The following AGBL1 variants were observed in gnomAD, a reference collection of about 807,000 sequenced individuals.
AGBL1 encodes the protein cytosolic carboxypeptidase 4.
A neutral mutation model predicts 118.9 loss-of-function variants in AGBL1; 130 were observed. The observed-to-expected ratio is 1.09, with a 90% CI of 0.95 to 1.26. AGBL1 has a LOEUF of 1.26. AGBL1 is among the 50% of genes most tolerant of loss of function. The probability of loss-of-function intolerance (pLI) is 0.00; values close to 1 mark genes in which losing one functional copy is unlikely to be tolerated. For missense variants in AGBL1, 1,584 were observed against 1,298.1 expected (o/e 1.22, Z -3.38); for synonymous variants, 555 against 478.9 (o/e 1.16, Z -2.08).
intron 22 of AGBL1, among the ~76,000 whole-genome samples, chr15:86,717,945 G>A (rs2086662189): frequency 1.3e-5 from 2 of 152,086 alleles, no homozygotes; most frequent in South Asian, 2.1e-4. Context: ...GGGCGTGATG[G>A]CATGCACCTG....
chr15:86,194,514 G>T (rs2077770055), intron 5 of AGBL1, among the ~76,000 whole-genome samples: 5 of 152,174 alleles, frequency 3.3e-5, no homozygotes, highest in Admixed American at 3.3e-4. Flanking sequence ...TTTCCATGAT[G>T]ATGGTTTTAG....
chr15:86,840,593 G>C (rs1286480536), intron 22 of AGBL1, among the ~76,000 whole-genome samples: 1 of 152,042 alleles, frequency 6.6e-6, no homozygotes, highest in Admixed American at 6.6e-5. Flanking sequence ...TTACAGGCGT[G>C]TACTACCATG....
chr15:86,780,734 G>A (rs2078324866), intron 22 of AGBL1, among the ~76,000 whole-genome samples: 1 of 149,840 alleles, frequency 6.7e-6, no homozygotes, highest in Non-Finnish European at 1.5e-5. Flanking sequence ...TGATATCTTG[G>A]CTCACTGCGA....
intron 20 of AGBL1, 94 bp downstream of exon 20, chr15:86,546,227 T>C: frequency 4.5e-6 from 6 of 1,320,904 alleles, no homozygotes; most frequent in Middle Eastern, 2.3e-4. Context: ...TTTAGTTTTT[T>C]TTTTTTTTTG....
At chr15:86,810,501 A>G (rs941931932) in intron 22 of AGBL1, among the ~76,000 whole-genome samples, 1 of 152,080 alleles carries the variant, frequency 6.6e-6, no homozygotes, top group African/African-American at 2.4e-5. Context: ...AGGCCCCATT[A>G]CTGAGAATAT....
intron 18 of AGBL1, among the ~76,000 whole-genome samples, chr15:86,499,006 T>A (rs957206161): frequency 2.0e-5 from 3 of 151,884 alleles, no homozygotes; most frequent in Non-Finnish European, 4.4e-5. Context: ...AAACGGCCTG[T>A]GTGCTAGACC....
intron 21 of AGBL1, among the ~76,000 whole-genome samples, chr15:86,663,206 A>T (rs1486927979): frequency 1.3e-5 from 2 of 152,164 alleles, no homozygotes; most frequent in African/African-American, 2.4e-5. Flanking sequence ...ATCCACCAGG[A>T]CCTTACTGAG....
At chr15:86,584,803 C>G (rs530097632) in intron 21 of AGBL1, among the ~76,000 whole-genome samples, 1 of 152,242 alleles carries the variant, frequency 6.6e-6, no homozygotes, top group Admixed American at 6.5e-5. Context: ...ATTGATTCTT[C>G]CAATCCATGA....
intron 17 of AGBL1, among the ~76,000 whole-genome samples, chr15:86,388,909 A>C (rs1051597471): frequency 2.0e-5 from 3 of 152,212 alleles, no homozygotes; most frequent in Non-Finnish European, 4.4e-5. Flanking sequence ...ATGTGTTTAC[A>C]TACAATCCCA....
At chr15:86,676,873 C>A (rs890193000) in intron 22 of AGBL1, among the ~76,000 whole-genome samples, 1 of 152,034 alleles carries the variant, frequency 6.6e-6, no homozygotes, top group South Asian at 2.1e-4. Flanking sequence ...GAGGCTGAGG[C>A]GGGTGGATCA....
intron 1 of AGBL1, among the ~76,000 whole-genome samples, chr15:86,090,927 G>A (rs1272440628): frequency 6.6e-6 from 1 of 151,982 alleles, no homozygotes; most frequent in African/African-American, 2.4e-5. Context: ...TTCTTTTACT[G>A]GAAGGCCTCA....
intron 5 of AGBL1, among the ~76,000 whole-genome samples, chr15:86,210,576 ACTGATACC>A (rs1054924287): frequency 6.6e-6 from 1 of 152,164 alleles, no homozygotes; most frequent in African/African-American, 2.4e-5. Flanking sequence ...ATCTTTAATC[ACTGATACC>A]CTTTCTTCCA....
intron 23 of AGBL1, among the ~76,000 whole-genome samples, chr15:86,924,867 A>G (rs2080514844): frequency 6.6e-6 from 1 of 152,064 alleles, no homozygotes; most frequent in South Asian, 2.1e-4. Flanking sequence ...CAAAGTCAGG[A>G]GATTGAGACC....
chr15:86,640,800 C>T (rs940818400), intron 21 of AGBL1, among the ~76,000 whole-genome samples: 6 of 152,048 alleles, frequency 3.9e-5, no homozygotes, highest in Admixed American at 1.3e-4. Flanking sequence ...TCTGGCAAGG[C>T]ATTTTTCTGA....
At chr15:86,791,728 T>TTATATATATATA (rs3059670) in intron 22 of AGBL1, among the ~76,000 whole-genome samples, 25 of 142,896 alleles carry the variant, frequency 1.7e-4, no homozygotes, top group Admixed American at 5.6e-4. Flanking sequence ...TCCTTGTTTT[T>TTATATATATATA]TATATATATA....
intron 18 of AGBL1, among the ~76,000 whole-genome samples, chr15:86,506,181 G>A (rs905474379): frequency 1.3e-5 from 2 of 152,012 alleles, no homozygotes; most frequent in African/African-American, 4.8e-5. Flanking sequence ...TGCTTGTTCA[G>A]AACCTCAAGG....
At chr15:86,822,035 A>T (rs145088061) in intron 22 of AGBL1, among the ~76,000 whole-genome samples, 4 of 152,150 alleles carry the variant, frequency 2.6e-5, no homozygotes, top group Non-Finnish European at 5.9e-5. Context: ...TTCAGTGTCC[A>T]TGTGTGCACA....
At chr15:86,457,463 A>G (rs1488010594) in intron 18 of AGBL1, among the ~76,000 whole-genome samples, 1 of 152,184 alleles carries the variant, frequency 6.6e-6, no homozygotes, top group Admixed American at 6.5e-5. Context: ...AGGGCAGGAC[A>G]TCCGGAGAAT....
chr15:86,280,799 G>C (rs1017154854), intron 16 of AGBL1, among the ~76,000 whole-genome samples: 1 of 152,086 alleles, frequency 6.6e-6, no homozygotes, highest in African/African-American at 2.4e-5. Flanking sequence ...GAACCACTTG[G>C]CTCACTGCTT....
Sources: gnomAD v4.1 joint callset for allele counts (sites outside exome capture counted in the v4.1 genomes callset) on GRCh38, gnomAD v4.1.1 for gene constraint, MANE v1.5 for transcripts, NCBI Gene and HGNC (gene_info 2026-07-23, HGNC 2026-07-21) for gene names.